UNC13C: variants seen among roughly 807,000 people sequenced by gnomAD.
UNC13C encodes the protein unc-13 homolog C, also known as protein unc-13 homolog C.
In UNC13C, 174 loss-of-function variants were observed where a neutral mutation model predicts 245.4. That is an observed-to-expected ratio of 0.71 (90% CI 0.63 to 0.80). The LOEUF is 0.80. UNC13C is among the 30% of genes least tolerant of loss of function. The probability of loss-of-function intolerance (pLI) is 0.00; values close to 1 mark genes in which losing one functional copy is unlikely to be tolerated. For synonymous variants in UNC13C, 992 were observed against 895.1 expected, an observed-to-expected ratio of 1.11 and a Z score of -1.93; for missense variants, 2,829 against 2,602.9, an observed-to-expected ratio of 1.09 and a Z score of -1.89.
intron 2 of UNC13C, among the ~76,000 whole-genome samples, chr15:54,127,133 G>A (rs534223741): frequency 1.3e-5 from 2 of 152,240 alleles, no homozygotes; most frequent in South Asian, 2.1e-4. Context: ...CGGTCATTGT[G>A]GAAAACAGTG....
At chr15:53,923,283 C>T in the UNC13C span, among the ~76,000 whole-genome samples, 141,834 of 152,276 alleles carry the variant, frequency 0.93, 66,301 homozygotes, top group Middle Eastern at 0.98. Context: ...ACAAGACTGA[C>T]GTAGCCTCAG....
chr15:53,998,089 C>T (rs568654139), intron 1 of UNC13C, among the ~76,000 whole-genome samples: 107 of 152,274 alleles, frequency 7.0e-4, no homozygotes, highest in African/African-American at 2.5e-3. Flanking sequence ...AGGTATGAGC[C>T]ACCACTCCTG....
chr15:54,404,147 A>G (rs933147437), intron 18 of UNC13C, among the ~76,000 whole-genome samples: 7 of 152,196 alleles, frequency 4.6e-5, no homozygotes, highest in Admixed American at 2.0e-4. Flanking sequence ...TCTAGCTATG[A>G]CAAAGAAATT....
intron 2 of UNC13C, among the ~76,000 whole-genome samples, chr15:54,030,496 TTAG>T (rs936268508): frequency 4.6e-5 from 7 of 152,164 alleles, no homozygotes; most frequent in African/African-American, 1.4e-4. Context: ...GAAATTATTG[TTAG>T]TAGTAGTAGT....
At chr15:54,143,731 C>T (rs776148145) in intron 4 of UNC13C, 47 bp downstream of exon 4, 2 of 1,472,120 alleles carry the variant, frequency 1.4e-6, no homozygotes, top group South Asian at 2.3e-5. Context: ...ATAGATGGCA[C>T]TTGGCTGTGT....
At chr15:54,085,452 G>A (rs1595831145) in intron 2 of UNC13C, among the ~76,000 whole-genome samples, 2 of 152,144 alleles carry the variant, frequency 1.3e-5, no homozygotes, top group East Asian at 3.9e-4. Flanking sequence ...CTTCTAAGAA[G>A]CTATAGCTTT....
chr15:53,879,564 A>T, the UNC13C span, among the ~76,000 whole-genome samples: 3 of 151,840 alleles, frequency 2.0e-5, no homozygotes, highest in Non-Finnish European at 4.4e-5. Flanking sequence ...TATACTTGTT[A>T]TTTTTTTTAA....
chr15:54,608,133 T>C (rs1189516070), intron 30 of UNC13C, among the ~76,000 whole-genome samples: 1 of 151,354 alleles, frequency 6.6e-6, no homozygotes, highest in Non-Finnish European at 1.5e-5. Flanking sequence ...CAGGTCTTTT[T>C]CCAAAAAAAA....
At chr15:53,991,472 G>A (rs1228536030) in intron 1 of UNC13C, among the ~76,000 whole-genome samples, 1 of 152,008 alleles carries the variant, frequency 6.6e-6, no homozygotes, top group Admixed American at 6.6e-5. Flanking sequence ...CTTGAAAGCT[G>A]TTGTATCAGG....
Position 54,628,004 on chromosome 15 carries a change from A to ATGAT in UNC13C, c.*893_*896dup, listed in dbSNP as rs1381873072. ...AATGCTTTATTTTTAAAAATATTCA[A>ATGAT]TGATTAGTATTGAATGCAGCATTAC... On this transcript the variant is annotated 3_prime_UTR_variant, in exon 33 of 33. Coordinates refer to ENST00000260323, the MANE Select transcript of UNC13C (RefSeq NM_001080534.3). 12 of 152,478 alleles carry ATGAT rather than the reference A, an allele frequency of 7.9e-5. No homozygotes were observed. The East Asian group carries it at 1.9e-3, about 25-fold the overall frequency. 9.4% of individuals were successfully genotyped at this position (152,478 alleles called of 1,614,324 possible).
At chr15:54,448,791 T>C (rs1229477686) in intron 19 of UNC13C, among the ~76,000 whole-genome samples, 1 of 152,210 alleles carries the variant, frequency 6.6e-6, no homozygotes, top group Admixed American at 6.5e-5. Context: ...GTTAATATTG[T>C]TATGTGTGAA....
In UNC13C at chr15:54,026,086, T is replaced by C. The variant is rs370010118; in HGVS notation, c.2983+10200T>C. Among the ~76,000 whole-genome samples, 41 of 147,616 alleles carry C rather than the reference T, an allele frequency of 2.8e-4. No homozygotes were observed. In the East Asian group the frequency reaches 6.2e-3, roughly 22 times the overall value. On this transcript the variant is annotated intron_variant, in intron 2 of 32. Transcript: ENST00000260323. ...ATACATAAAATGATAATTTACTTAATGTTTAAGAAAGCATTTTACTATCTG... is the reference window on the plus strand; with the variant it reads ...ATACATAAAATGATAATTTACTTAACGTTTAAGAAAGCATTTTACTATCTG...
chr15:54,415,851 G>A (rs943901922), intron 19 of UNC13C, among the ~76,000 whole-genome samples: 2 of 152,128 alleles, frequency 1.3e-5, no homozygotes, highest in African/African-American at 2.4e-5. Flanking sequence ...TTATGATGAC[G>A]GAGTGTCTGG....
the UNC13C span, among the ~76,000 whole-genome samples, chr15:53,965,428 GTTTAAATTTACAA>G: frequency 6.6e-6 from 1 of 151,944 alleles, no homozygotes; most frequent in Admixed American, 6.6e-5. Context: ...CAATTTGGAT[GTTTAAATTTACAA>G]TTATCTCACA....
At chr15:54,096,036 G>A (rs1214386784) in intron 2 of UNC13C, among the ~76,000 whole-genome samples, 2 of 152,178 alleles carry the variant, frequency 1.3e-5, no homozygotes, top group African/African-American at 4.8e-5. Flanking sequence ...TAGAAAGAGA[G>A]CATGTGAAGG....
At chr15:54,424,988 C>G (rs2040729779) in intron 19 of UNC13C, among the ~76,000 whole-genome samples, 1 of 151,776 alleles carries the variant, frequency 6.6e-6, no homozygotes, top group African/African-American at 2.4e-5. Context: ...CTGATCTTAG[C>G]TTCAAAATGT....
intron 23 of UNC13C, among the ~76,000 whole-genome samples, chr15:54,508,456 A>G (rs1449337290): frequency 6.6e-6 from 1 of 152,136 alleles, no homozygotes; most frequent in Non-Finnish European, 1.5e-5. Flanking sequence ...ATCATAACCC[A>G]GTATTTATTA....
intron 24 of UNC13C, 79 bp downstream of exon 24, chr15:54,511,909 C>A: frequency 1.9e-6 from 2 of 1,033,730 alleles, no homozygotes; most frequent in Non-Finnish European, 2.9e-6. Context: ...ATGAAAGTGT[C>A]TTAATCAAGT....
At position 54,542,965 on chromosome 15, in the gene UNC13C, G is replaced by T. The variant is rs576309479; in HGVS notation, c.5697-3757G>T. The stretch of plus-strand genomic sequence containing the variant: ...GACTCTTTATCCAGTTTACCAGTCT[G>T]TGTCTTTTAATTGGGGTATTTAGTC... On this transcript the variant is annotated intron_variant, in intron 26 of 32. Transcript: ENST00000260323. Among the ~76,000 whole-genome samples the T allele has an allele frequency of 2.6e-5, 4 of 152,232 alleles. No homozygotes were observed. The East Asian group carries it at 7.7e-4, about 29-fold the overall frequency.
Sources: allele counts gnomAD v4.1 joint callset (sites outside exome capture counted in the v4.1 genomes callset), GRCh38; gene constraint gnomAD v4.1.1; transcripts MANE v1.5; gene names NCBI Gene and HGNC (gene_info 2026-07-23, HGNC 2026-07-21).